GRM8: variants seen among roughly 807,000 people sequenced by gnomAD.
The protein encoded by GRM8 is glutamate metabotropic receptor 8, also known as metabotropic glutamate receptor 8.
Under a neutral mutation model 87.2 loss-of-function variants are expected in GRM8, and 47 were observed. The observed-to-expected ratio is 0.54, with a 90% CI of 0.43 to 0.69. The LOEUF (loss-of-function observed/expected upper bound fraction) is 0.69, where lower values mean the gene tolerates loss of function less well. Among genes scored for constraint, GRM8 ranks in the 30% least tolerant of loss-of-function variants. The pLI, the probability that GRM8 is intolerant of heterozygous loss-of-function variation, is 0.00. For synonymous variants in GRM8, 396 were observed against 404.5 expected, an observed-to-expected ratio of 0.98 and a Z score of 0.25; for missense variants, 1,019 against 1,139.2, an observed-to-expected ratio of 0.89 and a Z score of 1.52.
In GRM8 at chr7:126,493,070, C is replaced by T. The variant is rs1031702525; in HGVS notation, c.2430+39882G>A. The stretch of plus-strand genomic sequence containing the variant: ...GTTTGTTGAGCTTTGTTTTGTTGAG[C>T]TTTGTTTGTTTTTATTAGAGAACAG... On this transcript the variant is annotated intron_variant, in intron 9 of 10. Transcript: ENST00000339582. Among the ~76,000 whole-genome samples the T allele has an allele frequency of 1.3e-5, 2 of 151,746 alleles. 1 individual carries two copies. The highest frequency in any genetic ancestry group is 1.3e-4 in the Admixed American group (2 of 15,194).
intron 8 of GRM8, among the ~76,000 whole-genome samples, chr7:126,568,374 C>T (rs964178774): frequency 1.3e-5 from 2 of 152,112 alleles, no homozygotes; most frequent in African/African-American, 4.8e-5. Flanking sequence ...TTTTAAAACT[C>T]TATTAACACA....
intron 6 of GRM8, among the ~76,000 whole-genome samples, chr7:126,896,160 A>G (rs781438409): frequency 2.5e-4 from 38 of 150,146 alleles, no homozygotes; most frequent in Non-Finnish European, 4.7e-4. Context: ...CTTATTTTAC[A>G]TCCCAGCTCT....
At chr7:126,643,040 C>A (rs1020178940) in intron 7 of GRM8, among the ~76,000 whole-genome samples, 3 of 151,820 alleles carry the variant, frequency 2.0e-5, no homozygotes, top group Admixed American at 6.6e-5. Flanking sequence ...CCTATAATCC[C>A]AGCATGTTGG....
intron 3 of GRM8, among the ~76,000 whole-genome samples, chr7:127,086,591 C>T (rs894801511): frequency 1.3e-5 from 2 of 152,184 alleles, no homozygotes; most frequent in Non-Finnish European, 2.9e-5. Context: ...CCATAAAGCC[C>T]TCCCATAATG....
intron 6 of GRM8, among the ~76,000 whole-genome samples, chr7:126,813,593 A>G (rs1361103057): frequency 1.3e-5 from 2 of 152,050 alleles, no homozygotes; most frequent in Non-Finnish European, 2.9e-5. Flanking sequence ...TGATGAGGCT[A>G]TTTTTAGATC....
rs527261824 is a variant in GRM8 at position 126,503,856 on chromosome 7, T to C, written c.2430+29096A>G. Among the ~76,000 whole-genome samples the C allele has an allele frequency of 5.9e-5, 9 of 152,172 alleles. No individual in the cohort carries two copies. The East Asian group carries it at 1.4e-3, about 23-fold the overall frequency. ...ACGGGCTGAGGCATTCAAGAGCCAC[T>C]GTTTGATTCTCTAGCTCTCTGCTTT... On this transcript the variant is annotated intron_variant, in intron 9 of 10. Coordinates refer to ENST00000339582, the MANE Select transcript of GRM8 (RefSeq NM_000845.3).
chr7:126,915,715 G>A (rs995027440), intron 3 of GRM8, among the ~76,000 whole-genome samples: 5 of 152,168 alleles, frequency 3.3e-5, no homozygotes, highest in African/African-American at 1.2e-4. Flanking sequence ...AGGGGAAAGG[G>A]GAGAAGAGAA....
intron 2 of GRM8, among the ~76,000 whole-genome samples, chr7:127,170,465 T>C (rs1563555635): frequency 6.6e-6 from 1 of 152,214 alleles, no homozygotes; most frequent in African/African-American, 2.4e-5. Context: ...AGAGCTACCA[T>C]TTGATCCAGC....
At chr7:126,693,874 ATT>A in intron 7 of GRM8, among the ~76,000 whole-genome samples, 1 of 152,182 alleles carries the variant, frequency 6.6e-6, no homozygotes, top group African/African-American at 2.4e-5. Context: ...GTTATGTTTC[ATT>A]TATTACATCT....
At chr7:126,792,991 C>A (rs1563192819) in intron 6 of GRM8, among the ~76,000 whole-genome samples, 1 of 152,166 alleles carries the variant, frequency 6.6e-6, no homozygotes, top group Non-Finnish European at 1.5e-5. Flanking sequence ...CCCTGCAATA[C>A]AACTTAAACT....
chr7:126,719,657 A>G (rs1812153955), intron 7 of GRM8, among the ~76,000 whole-genome samples: 1 of 152,160 alleles, frequency 6.6e-6, no homozygotes, highest in Non-Finnish European at 1.5e-5. Flanking sequence ...GATAGCTGTG[A>G]TAGCTGAAGT....
chr7:126,656,449 C>T (rs976924161), intron 7 of GRM8, among the ~76,000 whole-genome samples: 1 of 152,040 alleles, frequency 6.6e-6, no homozygotes, highest in South Asian at 2.1e-4. Context: ...GAGGCCAAGG[C>T]GGGCGGATCG....
At chr7:126,745,015 C>T (rs1335527584) in intron 7 of GRM8, among the ~76,000 whole-genome samples, 1 of 151,582 alleles carries the variant, frequency 6.6e-6, no homozygotes, top group East Asian at 1.9e-4. Flanking sequence ...ATGAATCAAA[C>T]ACATTTTAAA....
chr7:127,084,547 T>C (rs950631937), intron 3 of GRM8: 3 of 152,136 alleles, frequency 2.0e-5, no homozygotes, highest in Non-Finnish European at 2.9e-5. Context: ...CACAAGACCA[T>C]TGACAACATG....
At position 127,118,704 on chromosome 7, in the gene GRM8, G is replaced by A. The variant is rs867884761; in HGVS notation, c.511-11992C>T. Among the ~76,000 whole-genome samples, 3 of 152,180 alleles carry A rather than the reference G, an allele frequency of 2.0e-5. No homozygotes were observed. The East Asian group carries it at 5.8e-4, about 29-fold the overall frequency. ...AATGACAGAATAAGATTCAAATCCAGGTAGTCTGACCCCGGATTCATTTCT... is the reference window on the plus strand; with the variant it reads ...AATGACAGAATAAGATTCAAATCCAAGTAGTCTGACCCCGGATTCATTTCT... On this transcript the variant is annotated intron_variant, in intron 2 of 10. Coordinates refer to ENST00000339582, the MANE Select transcript of GRM8 (RefSeq NM_000845.3).
intron 7 of GRM8, among the ~76,000 whole-genome samples, chr7:126,745,786 A>T (rs893544377): frequency 1.8e-4 from 28 of 151,746 alleles, no homozygotes; most frequent in African/African-American, 6.8e-4. Context: ...GATTTTCACA[A>T]GATTATTCCT....
At chr7:126,668,039 G>C (rs1164269626) in intron 7 of GRM8, among the ~76,000 whole-genome samples, 1 of 152,170 alleles carries the variant, frequency 6.6e-6, no homozygotes, top group African/African-American at 2.4e-5. Flanking sequence ...ACTCCAAGCA[G>C]CCTGCCCACT....
intron 3 of GRM8, among the ~76,000 whole-genome samples, chr7:127,074,232 T>G (rs903324315): frequency 6.6e-6 from 1 of 152,192 alleles, no homozygotes; most frequent in African/African-American, 2.4e-5. Flanking sequence ...ATGGGCAACA[T>G]TATTGGGGTA....
At chr7:126,551,563 A>G (rs201651958) in intron 8 of GRM8, among the ~76,000 whole-genome samples, 1 of 152,192 alleles carries the variant, frequency 6.6e-6, no homozygotes, top group Non-Finnish European at 1.5e-5. Context: ...ATAGAACTAA[A>G]GTATGAGACA....
Sources: gnomAD v4.1 joint callset for allele counts (sites outside exome capture counted in the v4.1 genomes callset) on GRCh38, gnomAD v4.1.1 for gene constraint, MANE v1.5 for transcripts, NCBI Gene and HGNC (gene_info 2026-07-23, HGNC 2026-07-21) for gene names.